MYO16: variants seen among roughly 807,000 people sequenced by gnomAD.
MYO16 encodes the protein myosin XVI, also known as unconventional myosin-XVI.
MYO16 carries 94 observed loss-of-function variants against 205.3 expected under a neutral mutation model. The observed-to-expected ratio is 0.46, with a 90% CI of 0.39 to 0.54. MYO16 has a LOEUF of 0.54. MYO16 is among the 20% of genes least tolerant of loss of function. MYO16 has a pLI of 0.00. For synonymous variants in MYO16, 988 were observed against 954.0 expected, an observed-to-expected ratio of 1.04 and a Z score of -0.66; for missense variants, 2,315 against 2,387.5, an observed-to-expected ratio of 0.97 and a Z score of 0.63.
intron 27 of MYO16, among the ~76,000 whole-genome samples, chr13:109,058,407 G>A (rs1438148404): frequency 6.6e-6 from 1 of 152,106 alleles, no homozygotes; most frequent in African/African-American, 2.4e-5. Context: ...CCTTGGAGAC[G>A]TAGTAGGTTC....
intron 12 of MYO16, among the ~76,000 whole-genome samples, chr13:108,877,549 T>TG (rs1366926579): frequency 6.6e-6 from 1 of 152,270 alleles, no homozygotes; most frequent in African/African-American, 2.4e-5. Flanking sequence ...ATTGTCATTA[T>TG]GACTAAACTA....
rs535614965 is a variant in MYO16, at chr13:108,790,194, G to T, written c.617-3322G>T. On this transcript the variant is annotated intron_variant, in intron 5 of 34. Coordinates refer to ENST00000457511, the MANE Select transcript of MYO16 (RefSeq NM_001198950.3). ...ACCATCACAATAGCGGCAAAGAGTAGCCCTAATATCATCAGAGAAAAGGAA... is the reference window on the plus strand; with the variant it reads ...ACCATCACAATAGCGGCAAAGAGTATCCCTAATATCATCAGAGAAAAGGAA... Among the ~76,000 whole-genome samples, 38 of 152,310 alleles carry T rather than the reference G, an allele frequency of 2.5e-4. No individual in the cohort carries two copies. The South Asian group carries it at 7.7e-3, about 31-fold the overall frequency.
In MYO16 at chr13:109,154,238, A is replaced by T. The variant is rs192937283; in HGVS notation, c.5165-10663A>T. Among the ~76,000 whole-genome samples the T allele has an allele frequency of 5.8e-4, 89 of 152,336 alleles. 1 individual carries two copies. Among genetic ancestry groups the T allele is most frequent in the Non-Finnish European group, 4.4e-5 (3 of 68,040 alleles). On this transcript the variant is annotated intron_variant, in intron 32 of 34. Coordinates refer to ENST00000457511, the MANE Select transcript of MYO16 (RefSeq NM_001198950.3). ...CAGGTGCTGCCACACTCTTATTAAA[A>T]TATGGAAATGTCTTGATGCCAGCTG...
intron 4 of MYO16, among the ~76,000 whole-genome samples, chr13:108,780,766 A>G (rs1426397716): frequency 1.3e-5 from 2 of 152,234 alleles, no homozygotes; most frequent in African/African-American, 2.4e-5. Flanking sequence ...AACAGAAAGG[A>G]GATGAAAACA....
At chr13:108,997,761 C>T (rs927481485) in intron 21 of MYO16, among the ~76,000 whole-genome samples, 3 of 152,180 alleles carry the variant, frequency 2.0e-5, no homozygotes, top group Middle Eastern at 3.2e-3. Flanking sequence ...TCGCTTGAAA[C>T]CAGAAGGCGG....
At chr13:109,181,926 T>C (rs1178555018) in intron 34 of MYO16, among the ~76,000 whole-genome samples, 3 of 151,946 alleles carry the variant, frequency 2.0e-5, no homozygotes, top group African/African-American at 7.3e-5. Flanking sequence ...TTCAAGTGAT[T>C]CTCCTATCTC....
intron 1 of MYO16, among the ~76,000 whole-genome samples, chr13:108,662,692 T>C (rs1881557404): frequency 6.6e-6 from 1 of 152,184 alleles, no homozygotes; most frequent in African/African-American, 2.4e-5. Flanking sequence ...TGCCCGAGGC[T>C]ATCCAACTTC....
intron 31 of MYO16, among the ~76,000 whole-genome samples, chr13:109,135,065 G>C (rs148821777): frequency 5.9e-5 from 9 of 152,272 alleles, no homozygotes; most frequent in African/African-American, 2.2e-4. Flanking sequence ...GAGAGACAGC[G>C]CCTCAAGTGT....
At chr13:109,085,438 G>C (rs1187543462) in intron 27 of MYO16, among the ~76,000 whole-genome samples, 1 of 152,168 alleles carries the variant, frequency 6.6e-6, no homozygotes. Flanking sequence ...CTGCAGGTAG[G>C]GAGGCGGAGA....
At chr13:108,933,846 GT>G (rs1218284491) in intron 16 of MYO16, among the ~76,000 whole-genome samples, 2 of 151,980 alleles carry the variant, frequency 1.3e-5, no homozygotes, top group African/African-American at 4.8e-5. Flanking sequence ...GTAACAATGT[GT>G]GATATTTGCT....
intron 4 of MYO16, among the ~76,000 whole-genome samples, chr13:108,770,327 T>A (rs1885920463): frequency 1.3e-5 from 2 of 152,208 alleles, no homozygotes; most frequent in South Asian, 4.1e-4. Context: ...TCTTTAAATT[T>A]TCAGATAACT....
chr13:108,549,665 C>T, the MYO16 span, among the ~76,000 whole-genome samples: 2 of 151,920 alleles, frequency 1.3e-5, no homozygotes, highest in Admixed American at 1.3e-4. Context: ...GATGGAAAGA[C>T]AGTTATATTT....
the MYO16 span, among the ~76,000 whole-genome samples, chr13:108,530,020 C>T: frequency 6.6e-6 from 1 of 152,312 alleles, no homozygotes; most frequent in East Asian, 1.9e-4. Context: ...CCACAGTAAG[C>T]CTCCCACCTG....
At chr13:108,790,304 TG>T (rs963603975) in intron 5 of MYO16, among the ~76,000 whole-genome samples, 1 of 152,194 alleles carries the variant, frequency 6.6e-6, no homozygotes, top group African/African-American at 2.4e-5. Flanking sequence ...CTTCGGGAGT[TG>T]ACGTAATTTC....
At position 108,782,989 on chromosome 13, in the gene MYO16, TGTG is replaced by T. The variant is rs535734463; in HGVS notation, c.508-2644_508-2642del. Among the ~76,000 whole-genome samples, 9 of 152,256 alleles carry T rather than the reference TGTG, an allele frequency of 5.9e-5. No individual in the cohort carries two copies. In the South Asian group the frequency reaches 1.9e-3, roughly 32 times the overall value. ...CCTCTACAGCAGTGCAAAAGGGAAA[TGTG>T]GGGCTGGAGCCCCCACACAGAGTCT... On this transcript the variant is annotated intron_variant, in intron 4 of 34. Coordinates refer to ENST00000457511, the MANE Select transcript of MYO16 (RefSeq NM_001198950.3).
At chr13:108,532,677 G>A in the MYO16 span, among the ~76,000 whole-genome samples, 5 of 151,944 alleles carry the variant, frequency 3.3e-5, no homozygotes. Context: ...TGTGGTTCCA[G>A]CTACTTAGGA....
At chr13:108,586,345 T>A in the MYO16 span, among the ~76,000 whole-genome samples, 1 of 151,664 alleles carries the variant, frequency 6.6e-6, no homozygotes, top group Non-Finnish European at 1.5e-5. Flanking sequence ...TGACTATTTT[T>A]TTAAAAAATA....
chr13:108,710,600 A>G (rs559396839), intron 2 of MYO16, among the ~76,000 whole-genome samples: 5 of 152,336 alleles, frequency 3.3e-5, no homozygotes, highest in African/African-American at 1.2e-4. Flanking sequence ...ACAAACCCCC[A>G]TGAAATGAGT....
At chr13:108,873,090 G>T (rs981310773) in intron 12 of MYO16, among the ~76,000 whole-genome samples, 1 of 152,052 alleles carries the variant, frequency 6.6e-6, no homozygotes, top group Non-Finnish European at 1.5e-5. Context: ...AAACGATCTT[G>T]TTGTCCTCAG....
Sources: gnomAD v4.1 joint callset for allele counts (sites outside exome capture counted in the v4.1 genomes callset) on GRCh38, gnomAD v4.1.1 for gene constraint, MANE v1.5 for transcripts, NCBI Gene and HGNC (gene_info 2026-07-23, HGNC 2026-07-21) for gene names.